Variants in MVB12B observed in about 807,000 individuals in gnomAD.
MVB12B encodes the protein multivesicular body subunit 12B.
In MVB12B, 16 loss-of-function variants were observed where a neutral mutation model predicts 41.6. The ratio of observed to expected loss-of-function variants is 0.38; its 90% CI spans 0.26 to 0.58. The LOEUF is 0.58. Among genes scored for constraint, MVB12B ranks in the 20% least tolerant of loss-of-function variants. MVB12B has a pLI of 0.62. For synonymous variants in MVB12B, 133 were observed against 139.7 expected (o/e 0.95, Z 0.34); for missense variants, 274 against 380.2 (o/e 0.72, Z 2.32).
chr9:126,436,335 T>C lies in MVB12B; in HGVS notation c.757+14387T>C, dbSNP rs142558401. Among the ~76,000 whole-genome samples, 482 of 152,340 alleles carry C rather than the reference T, an allele frequency of 3.2e-3. 3 individuals are homozygous for C. Among genetic ancestry groups the C allele is most frequent in the Middle Eastern group, 0.017 (5 of 294 alleles). ...GCCTTTTAGGAACACTCTTAGGTTTTAATTGGATTGGGAAAAAGAACCTAC... is the reference window on the plus strand; with the variant it reads ...GCCTTTTAGGAACACTCTTAGGTTTCAATTGGATTGGGAAAAAGAACCTAC... On this transcript the variant is annotated intron_variant, in intron 7 of 9. Transcript: ENST00000361171. The surrounding 1 kb of genome is among the most constrained non-coding windows in gnomAD (Gnocchi z 4.1).
intron 6 of MVB12B, among the ~76,000 whole-genome samples, chr9:126,399,908 A>T (rs552503687): frequency 4.6e-5 from 7 of 152,300 alleles, no homozygotes; most frequent in Non-Finnish European, 8.8e-5. Context: ...TGCTGGAGCC[A>T]TGGGAGGCGA....
At chr9:126,481,495 A>G (rs1322257105) in intron 8 of MVB12B, 71 bp downstream of exon 8, 1 of 1,156,394 alleles carries the variant, frequency 8.6e-7, no homozygotes, top group East Asian at 2.3e-5. Context: ...CCTGATTTAC[A>G]CAGCACGCAG....
Position 126,395,845 on chromosome 9 carries a change from A to T in MVB12B, c.662+148A>T, listed in dbSNP as rs966495187. 12 of 1,442,794 alleles carry T rather than the reference A, an allele frequency of 8.3e-6. No individual in the cohort carries two copies. Among genetic ancestry groups the T allele is most frequent in the African/African-American group, 5.7e-5 (4 of 70,164 alleles). 89.4% of individuals were successfully genotyped at this position (1,442,794 alleles called of 1,614,324 possible). On this transcript the variant is annotated intron_variant, in intron 6 of 9. Coordinates refer to ENST00000361171, the MANE Select transcript of MVB12B (RefSeq NM_033446.3). The surrounding 1 kb of genome is among the most constrained non-coding windows in gnomAD (Gnocchi z 4.9). ...CAATATATCTTTAGAGGAGATTTTTAAAAATCCACTTGGAAATCTTTGCAT... is the reference window on the plus strand; with the variant it reads ...CAATATATCTTTAGAGGAGATTTTTTAAAATCCACTTGGAAATCTTTGCAT...
At chr9:126,465,824 C>T (rs1054319628) in intron 7 of MVB12B, among the ~76,000 whole-genome samples, 5 of 152,140 alleles carry the variant, frequency 3.3e-5, no homozygotes, top group Non-Finnish European at 5.9e-5. Context: ...TGAATCCTTG[C>T]TTCGCCCCTA....
intron 9 of MVB12B, among the ~76,000 whole-genome samples, chr9:126,497,196 G>A (rs997197830): frequency 2.0e-5 from 3 of 152,092 alleles, no homozygotes; most frequent in African/African-American, 7.2e-5. Flanking sequence ...GAAGTGGGGG[G>A]CCCTAGAACC....
chr9:126,414,470 C>A (rs1263733778), intron 6 of MVB12B, among the ~76,000 whole-genome samples: 4 of 152,176 alleles, frequency 2.6e-5, no homozygotes, highest in Admixed American at 1.3e-4. Context: ...AGGGACTGTT[C>A]CAGTTACAAT....
chr9:126,384,452 G>T (rs1040637921), intron 3 of MVB12B, among the ~76,000 whole-genome samples: 1 of 152,124 alleles, frequency 6.6e-6, no homozygotes, highest in African/African-American at 2.4e-5. Flanking sequence ...ATTTATTAGT[G>T]TATATCAATA....
chr9:126,344,242 A>G (rs987457150), intron 2 of MVB12B, among the ~76,000 whole-genome samples: 1 of 152,122 alleles, frequency 6.6e-6, no homozygotes, highest in African/African-American at 2.4e-5. Context: ...TCTGGAGGGG[A>G]AGACAGGCAA....
At chr9:126,414,821 GT>G (rs749647549) in intron 6 of MVB12B, among the ~76,000 whole-genome samples, 61 of 147,492 alleles carry the variant, frequency 4.1e-4, no homozygotes, top group Admixed American at 7.4e-4. Context: ...GACCTCTCAG[GT>G]TTTTTTTTTT....
chr9:126,461,812 C>T (rs1332155328), intron 7 of MVB12B, among the ~76,000 whole-genome samples: 2 of 151,328 alleles, frequency 1.3e-5, no homozygotes, highest in African/African-American at 2.4e-5. Context: ...CCCTGAGCCC[C>T]GACTGGCTGG....
rs1029537886 is a variant in MVB12B, at chr9:126,436,099, GA to G, written c.757+14158del. 2.0e-5 allele frequency among the ~76,000 whole-genome samples: 3 copies of G among 152,088 alleles called. No individual in the cohort carries two copies. The highest frequency in any genetic ancestry group is 6.5e-5 in the Admixed American group (1 of 15,274). Reference sequence around the variant, plus strand: ...CTTTATTAAAACAGGTAATTTTGGGGAAAAAAAGAGATGCTGTTTTTTGGAT... The same window carrying G: ...CTTTATTAAAACAGGTAATTTTGGGGAAAAAAGAGATGCTGTTTTTTGGAT... On this transcript the variant is annotated intron_variant, in intron 7 of 9. Coordinates refer to ENST00000361171, the MANE Select transcript of MVB12B (RefSeq NM_033446.3). This position sits in a 1 kb window ranked among gnomAD's most constrained non-coding sequence, Gnocchi z 4.1.
At chr9:126,495,093 A>G (rs558667893) in intron 9 of MVB12B, among the ~76,000 whole-genome samples, 66 of 151,702 alleles carry the variant, frequency 4.4e-4, no homozygotes, top group Admixed American at 1.4e-3. Context: ...TGGGGAGGCC[A>G]AGGTGTGAGG....
chr9:126,447,836 T>C (rs1248709534), intron 7 of MVB12B, among the ~76,000 whole-genome samples: 1 of 152,242 alleles, frequency 6.6e-6, no homozygotes, highest in Non-Finnish European at 1.5e-5. Context: ...TTTTGTATGT[T>C]CCTATGCAGT....
At chr9:126,441,446 T>C (rs1832638102) in intron 7 of MVB12B, among the ~76,000 whole-genome samples, 1 of 152,248 alleles carries the variant, frequency 6.6e-6, no homozygotes, top group Non-Finnish European at 1.5e-5. Flanking sequence ...CATATTTATC[T>C]TTGACTTGAT....
intron 7 of MVB12B, among the ~76,000 whole-genome samples, chr9:126,479,866 A>G (rs968614406): frequency 6.6e-5 from 10 of 152,334 alleles, no homozygotes; most frequent in African/African-American, 2.4e-4. Flanking sequence ...TTATCCCTGT[A>G]TGAACGTAGC....
At chr9:126,397,003 A>G (rs1831135502) in intron 6 of MVB12B, 1 of 985,548 alleles carries the variant, frequency 1.0e-6, no homozygotes, top group Non-Finnish European at 1.2e-6. Flanking sequence ...GCTCAAGGCT[A>G]TATCAGGTGT....
Position 126,413,818 on chromosome 9 carries a change from T to TTGTGTGTGTGTGTGTGTG in MVB12B, c.663-8018_663-8001dup, listed in dbSNP as rs34089808. Among the ~76,000 whole-genome samples the TTGTGTGTGTGTGTGTGTG allele has an allele frequency of 3.7e-4, 41 of 109,476 alleles. No individual in the cohort carries two copies. In the East Asian group the frequency reaches 6.8e-3, roughly 18 times the overall value. 71.8% of individuals were successfully genotyped at this position (109,476 alleles called of 152,430 possible). A position where few individuals can be genotyped will look rare whatever the true frequency, so the allele number is the denominator to read the frequency against. ...TCTGGAATCCTGTGAACCCCATTGG[T>TTGTGTGTGTGTGTGTGTG]TGTGTGTGTGTGTGTGTGTGTGTGT... is the stretch of plus-strand genomic sequence containing the variant. On this transcript the variant is annotated intron_variant, in intron 6 of 9. Coordinates refer to ENST00000361171, the MANE Select transcript of MVB12B (RefSeq NM_033446.3).
chr9:126,336,174 G>T (rs1342607582), intron 1 of MVB12B, among the ~76,000 whole-genome samples: 1 of 152,244 alleles, frequency 6.6e-6, no homozygotes, highest in African/African-American at 2.4e-5. Flanking sequence ...GTGGAGAGAG[G>T]TCTGAGCTTT....
intron 2 of MVB12B, among the ~76,000 whole-genome samples, chr9:126,365,267 G>T (rs1172733761): frequency 7.6e-6 from 1 of 132,186 alleles, no homozygotes; most frequent in Non-Finnish European, 1.5e-5. Context: ...GGGTTTCACC[G>T]TGTTAGCCAG....
Sources: allele counts gnomAD v4.1 joint callset (sites outside exome capture counted in the v4.1 genomes callset), GRCh38; gene constraint gnomAD v4.1.1; non-coding constraint Gnocchi (gnomAD v3.1); transcripts MANE v1.5; gene names NCBI Gene and HGNC (gene_info 2026-07-23, HGNC 2026-07-21).